Variants in MAN1A2 observed in about 807,000 individuals in gnomAD.
The protein encoded by MAN1A2 is mannosidase alpha class 1A member 2.
Under a neutral mutation model 75.7 loss-of-function variants are expected in MAN1A2, and 26 were observed. The ratio of observed to expected loss-of-function variants is 0.34; its 90% CI spans 0.25 to 0.48. MAN1A2 has a LOEUF of 0.48. MAN1A2 is among the 20% of genes least tolerant of loss of function. MAN1A2 has a pLI of 0.99. For missense variants in MAN1A2, 562 were observed against 775.5 expected, an observed-to-expected ratio of 0.72 and a Z score of 3.27; for synonymous variants, 247 against 264.6, an observed-to-expected ratio of 0.93 and a Z score of 0.65.
At chr1:117,378,141 A>T (rs924945475) in intron 1 of MAN1A2, among the ~76,000 whole-genome samples, 1 of 152,050 alleles carries the variant, frequency 6.6e-6, no homozygotes, top group African/African-American at 2.4e-5. Context: ...AAAAAGTTAT[A>T]AGTGTACATG....
At chr1:117,411,897 A>G (rs1350706527) in intron 3 of MAN1A2, among the ~76,000 whole-genome samples, 1 of 151,818 alleles carries the variant, frequency 6.6e-6, no homozygotes, top group African/African-American at 2.4e-5. Context: ...CACTGTGGAA[A>G]GCAGTTTGTT....
chr1:117,515,081 C>T, intron 12 of MAN1A2: 1 of 274,744 alleles, frequency 3.6e-6, no homozygotes, highest in Admixed American at 4.6e-5. Flanking sequence ...TACCTTTAGG[C>T]ATGGACAAAT....
At chr1:117,415,316 AT>A (rs1164965701) in intron 4 of MAN1A2, among the ~76,000 whole-genome samples, 43 of 152,130 alleles carry the variant, frequency 2.8e-4, no homozygotes, top group African/African-American at 1.0e-3. Context: ...AATTATTTTC[AT>A]TATCACCAGT....
chr1:117,381,509 A>G (rs1446063992), intron 1 of MAN1A2, among the ~76,000 whole-genome samples: 1 of 152,060 alleles, frequency 6.6e-6, no homozygotes, highest in Non-Finnish European at 1.5e-5. Flanking sequence ...TACAAAGGAC[A>G]TGAACTCATC....
chr1:117,400,339 A>G (rs922977088), intron 1 of MAN1A2, among the ~76,000 whole-genome samples: 2 of 148,368 alleles, frequency 1.3e-5, no homozygotes, highest in African/African-American at 2.5e-5. Context: ...TTTTTTCTCC[A>G]GTGTTTAACA....
At chr1:117,406,063 T>G (rs956925993) in intron 3 of MAN1A2, among the ~76,000 whole-genome samples, 3 of 152,116 alleles carry the variant, frequency 2.0e-5, no homozygotes, top group Non-Finnish European at 4.4e-5. Flanking sequence ...CTGGGATGAT[T>G]GGGTTACTGA....
At chr1:117,508,933 A>G (rs1202443074) in intron 12 of MAN1A2, among the ~76,000 whole-genome samples, 1 of 151,742 alleles carries the variant, frequency 6.6e-6, no homozygotes, top group Non-Finnish European at 1.5e-5. Flanking sequence ...TTTTGAAAAA[A>G]ATAGGCTGGA....
At chr1:117,416,519 T>C (rs1647998051) in intron 4 of MAN1A2, among the ~76,000 whole-genome samples, 1 of 152,214 alleles carries the variant, frequency 6.6e-6, no homozygotes, top group South Asian at 2.1e-4. Flanking sequence ...TTATAATGGC[T>C]AATAATTCCC....
At chr1:117,522,146 A>G (rs373723795) in intron 12 of MAN1A2, among the ~76,000 whole-genome samples, 1 of 151,976 alleles carries the variant, frequency 6.6e-6, no homozygotes, top group South Asian at 2.1e-4. Context: ...TTACTCATGT[A>G]ACCAAATACC....
intron 12 of MAN1A2, chr1:117,514,738 T>C (rs144177440): frequency 2.0e-6 from 1 of 489,206 alleles, no homozygotes; most frequent in East Asian, 5.6e-5. Context: ...AGTGGGATCA[T>C]TGTGGGTGAG....
chr1:117,437,916 A>G (rs1463014035), intron 5 of MAN1A2, among the ~76,000 whole-genome samples: 2 of 152,192 alleles, frequency 1.3e-5, no homozygotes, highest in African/African-American at 2.4e-5. Flanking sequence ...TTTTGTCTTA[A>G]TTTATTCAAC....
At chr1:117,407,137 G>C (rs551437448) in intron 3 of MAN1A2, among the ~76,000 whole-genome samples, 53 of 152,240 alleles carry the variant, frequency 3.5e-4, no homozygotes, top group Non-Finnish European at 1.5e-5. Context: ...AGAATTTTCA[G>C]TAGTCAAAAT....
chr1:117,523,275 TC>T lies in MAN1A2; in HGVS notation c.*320del, dbSNP rs774467413. ...AGTCCTGAAGTCTGGAGGCTAGACTTCCTGAAAGCAAGTCAAGAATATAGAG... is the reference window on the plus strand; with the variant it reads ...AGTCCTGAAGTCTGGAGGCTAGACTTCTGAAAGCAAGTCAAGAATATAGAG... On this transcript the variant is annotated 3_prime_UTR_variant, in exon 13 of 13. Coordinates refer to ENST00000356554, the MANE Select transcript of MAN1A2 (RefSeq NM_006699.5). 1.4e-5 allele frequency: 7 copies of T among 507,438 alleles called. No homozygotes were observed. The highest frequency in any genetic ancestry group is 1.1e-4 in the South Asian group (7 of 64,820). 31.4% of individuals were successfully genotyped at this position (507,438 alleles called of 1,614,324 possible). A position where few individuals can be genotyped will look rare whatever the true frequency, so the allele number is the denominator to read the frequency against.
chr1:117,459,188 G>A (rs1474901251), intron 6 of MAN1A2, among the ~76,000 whole-genome samples: 1 of 152,082 alleles, frequency 6.6e-6, no homozygotes, highest in Non-Finnish European at 1.5e-5. Context: ...GGAGACAATG[G>A]TCAGGCCCCA....
intron 1 of MAN1A2, among the ~76,000 whole-genome samples, chr1:117,373,552 A>T (rs1653042360): frequency 6.8e-6 from 1 of 146,050 alleles, no homozygotes; most frequent in Non-Finnish European, 1.5e-5. Flanking sequence ...ATTACAGTTC[A>T]CTATAGTCTC....
chr1:117,454,961 C>G (rs2101828738), intron 6 of MAN1A2, among the ~76,000 whole-genome samples: 1 of 152,080 alleles, frequency 6.6e-6, no homozygotes, highest in Non-Finnish European at 1.5e-5. Context: ...ATACTAAAAA[C>G]TACTGAATCC....
chr1:117,372,574 T>C (rs1652997758), intron 1 of MAN1A2, among the ~76,000 whole-genome samples: 1 of 152,176 alleles, frequency 6.6e-6, no homozygotes, highest in Non-Finnish European at 1.5e-5. Context: ...ACTTTATAGA[T>C]GATAAGGATA....
intron 12 of MAN1A2, among the ~76,000 whole-genome samples, chr1:117,513,235 A>G (rs528224992): frequency 9.7e-4 from 147 of 152,294 alleles, no homozygotes; most frequent in Non-Finnish European, 1.8e-3. Context: ...TAAGGGGTAT[A>G]GAGTTTGAGT....
intron 6 of MAN1A2, among the ~76,000 whole-genome samples, chr1:117,443,805 T>C (rs929782676): frequency 6.6e-6 from 1 of 152,176 alleles, no homozygotes; most frequent in East Asian, 1.9e-4. Context: ...AGAAGGGATC[T>C]TATTTTGTTG....
Sources: allele counts gnomAD v4.1 joint callset (sites outside exome capture counted in the v4.1 genomes callset), GRCh38; gene constraint gnomAD v4.1.1; transcripts MANE v1.5; gene names NCBI Gene and HGNC (gene_info 2026-07-23, HGNC 2026-07-21).